Variants in ANKRD13B observed in about 807,000 individuals in gnomAD.
ANKRD13B encodes ankyrin repeat domain 13B.
A neutral mutation model predicts 74.4 loss-of-function variants in ANKRD13B; 33 were observed. The ratio of observed to expected loss-of-function variants is 0.44; its 90% CI spans 0.34 to 0.59. The LOEUF (loss-of-function observed/expected upper bound fraction) is 0.59, where lower values mean the gene tolerates loss of function less well. Ranked by LOEUF, ANKRD13B falls within the 20% of genes least tolerant of loss-of-function variation. The pLI, the probability that ANKRD13B is intolerant of heterozygous loss-of-function variation, is 0.02. For synonymous variants in ANKRD13B, 341 were observed against 362.9 expected (o/e 0.94, Z 0.68); for missense variants, 676 against 877.9 (o/e 0.77, Z 2.91).
chr17:29,611,918 A>G lies in ANKRD13B; in HGVS notation c.1012A>G (p.Ile338Val), dbSNP rs1246889867. The change falls in exon 10 of 15, where the codon ATC becomes GTC. Residue 338 changes from isoleucine (I) to valine (V), a missense_variant. By Grantham distance (29) the Ile-to-Val change is conservative. Transcript: ENST00000394859. The surrounding 1 kb of genome is among the most constrained non-coding windows in gnomAD (Gnocchi z 4.3). ...QTLSQANPTA[I>V]TAEEYFNPNF... is the part of the protein sequence containing the mutation. ...TCTGAGCCAAGCCAACCCCACTGCC[A>G]TCACTGCAGAAGAATACTTCAACCC... is the stretch of plus-strand genomic sequence containing the variant. The G allele has an allele frequency of 1.2e-6, 2 of 1,614,066 alleles. No individual in the cohort carries two copies. The highest frequency in any genetic ancestry group is 2.2e-5 in the East Asian group (1 of 44,880).
At chr17:29,607,602 T>A (rs2034433800) in intron 1 of ANKRD13B, 140 bp from the exon 2 acceptor site, 3 of 1,199,036 alleles carry the variant, frequency 2.5e-6, no homozygotes, top group Non-Finnish European at 3.4e-6. Flanking sequence ...TGTCTGTCTT[T>A]CCGTTGCCTT....
chr17:29,605,097 AC>A (rs1266441911), intron 1 of ANKRD13B, among the ~76,000 whole-genome samples: 1 of 151,948 alleles, frequency 6.6e-6, no homozygotes, highest in Non-Finnish European at 1.5e-5. Context: ...ACTTGAAGAG[AC>A]CCCTATGCAG....
In ANKRD13B at chr17:29,609,532, C is replaced by T. The variant is rs899927795; in HGVS notation, c.822+111C>T. 60 of 1,292,744 alleles carry T rather than the reference C, an allele frequency of 4.6e-5. No homozygotes were observed. Among genetic ancestry groups the T allele is most frequent in the Middle Eastern group, 2.1e-4 (1 of 4,664 alleles). The allele number at this position is 1,292,744 out of a possible 1,614,324, so 80.1% of individuals were successfully genotyped here. A position where few individuals can be genotyped will look rare whatever the true frequency, so the allele number is the denominator to read the frequency against. ...CCCTGGAGGTACAGAAGCAATGCAG[C>T]GTGGTCAAGCACTTATATTTGGGTT... On this transcript the variant is annotated intron_variant, in intron 7 of 14. Transcript: ENST00000394859. The surrounding 1 kb of genome is among the most constrained non-coding windows in gnomAD (Gnocchi z 4.0).
chr17:29,595,876 C>T (rs945830976), intron 1 of ANKRD13B, among the ~76,000 whole-genome samples: 2 of 152,174 alleles, frequency 1.3e-5, no homozygotes, highest in African/African-American at 4.8e-5. Flanking sequence ...GCTGTCTCCC[C>T]TCTCGAGGAC....
intron 1 of ANKRD13B, among the ~76,000 whole-genome samples, chr17:29,601,431 A>G (rs965670159): frequency 9.2e-5 from 14 of 152,086 alleles, no homozygotes; most frequent in African/African-American, 2.9e-4. Flanking sequence ...CATGTTGGCC[A>G]GGCTGGTCTC....
intron 1 of ANKRD13B, 62 bp from the exon 2 acceptor site, chr17:29,607,680 G>C: frequency 6.5e-7 from 1 of 1,547,582 alleles, no homozygotes; most frequent in Non-Finnish European, 8.7e-7. Flanking sequence ...GGGCTGTCTG[G>C]CTCCGGAGGG....
chr17:29,609,291 C>T lies in ANKRD13B; in HGVS notation c.755+16C>T. ...CCTTTGAGAGGTGGGTGGACATGGC[C>T]TTGGTCACCCTTGAGCCAGCCCGGT... On this transcript the variant is annotated intron_variant, in intron 6 of 14. Transcript: ENST00000394859. The surrounding 1 kb of genome is among the most constrained non-coding windows in gnomAD (Gnocchi z 4.0). The T allele has an allele frequency of 6.2e-7, 1 of 1,612,960 alleles. No homozygotes were observed. The highest frequency in any genetic ancestry group is 8.5e-7 in the Non-Finnish European group (1 of 1,179,642).
At chr17:29,600,098 G>A (rs544970178) in intron 1 of ANKRD13B, among the ~76,000 whole-genome samples, 27 of 152,062 alleles carry the variant, frequency 1.8e-4, no homozygotes, top group South Asian at 1.2e-3. Flanking sequence ...GGATGGTCTC[G>A]ATCTCCTGAC....
rs1598619820 is a variant in ANKRD13B at position 29,612,819 on chromosome 17, C to G, written c.1575+4C>G. 4 of 1,601,288 alleles carry G rather than the reference C, an allele frequency of 2.5e-6. No homozygotes were observed. Among genetic ancestry groups the G allele is most frequent in the Non-Finnish European group, 3.4e-6 (4 of 1,178,148 alleles). ...GGCGGGCAGTGAGTATGACCAGGTG[C>G]GTCTCCGCGGGCGCGCGGGGCCACG... On this transcript the variant is annotated splice_donor_region_variant and intron_variant, in intron 13 of 14. Coordinates refer to ENST00000394859, the MANE Select transcript of ANKRD13B (RefSeq NM_152345.5). This position sits in a 1 kb window ranked among gnomAD's most constrained non-coding sequence, Gnocchi z 6.1.
At chr17:29,607,706 CTG>C in intron 1 of ANKRD13B, 34 bp from the exon 2 acceptor site, 1 of 1,579,736 alleles carries the variant, frequency 6.3e-7, no homozygotes, top group Non-Finnish European at 8.6e-7. Context: ...TCCGACGTGA[CTG>C]GGGCTTTATC....
chr17:29,602,212 G>A (rs1447549569), intron 1 of ANKRD13B, among the ~76,000 whole-genome samples: 4 of 152,008 alleles, frequency 2.6e-5, no homozygotes, highest in South Asian at 2.1e-4. Context: ...TGGCTAACAC[G>A]GTGAAACCCC....
rs1598614270 is a variant in ANKRD13B at position 29,609,475 on chromosome 17, C to T, written c.822+54C>T. 4.4e-6 allele frequency: 7 copies of T among 1,594,248 alleles called. No individual in the cohort carries two copies. The highest frequency in any genetic ancestry group is 1.7e-5 in the Admixed American group (1 of 59,240). ...CAGCTGCACTCTTGCCTACAGCAAG[C>T]TGTACAGGGGATTCTGACCTCCCTT... On this transcript the variant is annotated intron_variant, in intron 7 of 14. Coordinates refer to ENST00000394859, the MANE Select transcript of ANKRD13B (RefSeq NM_152345.5). The surrounding 1 kb of genome is among the most constrained non-coding windows in gnomAD (Gnocchi z 4.0).
chr17:29,595,612 G>T (rs1412771784), intron 1 of ANKRD13B, among the ~76,000 whole-genome samples: 1 of 152,148 alleles, frequency 6.6e-6, no homozygotes, highest in Non-Finnish European at 1.5e-5. Context: ...GTTGGGGGCT[G>T]CTCATGTGTT....
In ANKRD13B at chr17:29,608,259, G is replaced by A; in HGVS notation, c.421+19G>A. On this transcript the variant is annotated intron_variant, in intron 4 of 14. Transcript: ENST00000394859. The surrounding 1 kb of genome is among the most constrained non-coding windows in gnomAD (Gnocchi z 6.4). Reference sequence around the variant, plus strand: ...AGCTGGGGTAAGCGGGCTGCAGCAGGTCGCTTCTGGGCTCTCCCACTTTAG... The same window carrying A: ...AGCTGGGGTAAGCGGGCTGCAGCAGATCGCTTCTGGGCTCTCCCACTTTAG... 1.2e-6 allele frequency: 2 copies of A among 1,614,044 alleles called. No homozygotes were observed. Among genetic ancestry groups the A allele is most frequent in the Non-Finnish European group, 8.5e-7 (1 of 1,179,998 alleles).
Position 29,593,661 on chromosome 17 carries a change from G to T in ANKRD13B, c.40G>T (p.Gly14Cys), listed in dbSNP as rs748170622. The change falls in exon 1 of 15, where the codon GGC (glycine) becomes TGC (cysteine). Residue 14 changes from glycine (G) to cysteine (C), a missense_variant. Gly to Cys is a radical substitution (Grantham distance 159). Transcript: ENST00000394859. The stretch of plus-strand genomic sequence containing the variant: ...CGCCTCCGCCAGGAAGGGGCCCGAG[G>T]GCAAGTATCCGCTGCACTACCTCGT... ...ANASARKGPE[G>C]KYPLHYLVWH... 9.1e-6 allele frequency: 13 copies of T among 1,429,146 alleles called. No homozygotes were observed. In the African/African-American group the frequency reaches 1.8e-4, roughly 20 times the overall value. The allele number at this position is 1,429,146 out of a possible 1,614,324, so 88.5% of individuals were successfully genotyped here.
chr17:29,613,125 G>T (rs2034662856), intron 14 of ANKRD13B, 162 bp downstream of exon 14: 6 of 1,185,822 alleles, frequency 5.1e-6, no homozygotes, highest in Non-Finnish European at 5.9e-6. Context: ...CAGGGGTCAG[G>T]GATCCAGGCT....
chr17:29,612,636 GC>G lies in ANKRD13B; in HGVS notation c.1412-11del. 2 of 1,526,464 alleles carry G rather than the reference GC, an allele frequency of 1.3e-6. No individual in the cohort carries two copies. The highest frequency in any genetic ancestry group is 8.8e-7 in the Non-Finnish European group (1 of 1,141,614). 94.6% of individuals were successfully genotyped at this position (1,526,464 alleles called of 1,614,324 possible). On this transcript the variant is annotated splice_polypyrimidine_tract_variant and intron_variant, in intron 12 of 14. Transcript: ENST00000394859. This position sits in a 1 kb window ranked among gnomAD's most constrained non-coding sequence, Gnocchi z 6.1. ...GGCGCGCCCGGCCGTGCCTGACCCA[GC>G]CCCCGCGCCCCCAGCCTCCTGCCGC... is the stretch of plus-strand genomic sequence containing the variant.
intron 1 of ANKRD13B, among the ~76,000 whole-genome samples, chr17:29,594,888 C>G (rs1174818020): frequency 1.3e-5 from 2 of 152,226 alleles, no homozygotes; most frequent in African/African-American, 4.8e-5. Flanking sequence ...GGCCATCGGA[C>G]TGAGCAGGCT....
In ANKRD13B at chr17:29,608,252, G is replaced by A. The variant is rs1313767677; in HGVS notation, c.421+12G>A. 1 of 1,614,102 alleles carries A rather than the reference G, an allele frequency of 6.2e-7. No homozygotes were observed. The highest frequency in any genetic ancestry group is 2.2e-5 in the East Asian group (1 of 44,880). ...GTTCACTAGCTGGGGTAAGCGGGCTGCAGCAGGTCGCTTCTGGGCTCTCCC... is the reference window on the plus strand; with the variant it reads ...GTTCACTAGCTGGGGTAAGCGGGCTACAGCAGGTCGCTTCTGGGCTCTCCC... On this transcript the variant is annotated intron_variant, in intron 4 of 14. Transcript: ENST00000394859. This position sits in a 1 kb window ranked among gnomAD's most constrained non-coding sequence, Gnocchi z 6.4.
Sources: gnomAD v4.1 joint callset for allele counts (sites outside exome capture counted in the v4.1 genomes callset) on GRCh38, gnomAD v4.1.1 for gene constraint, Gnocchi (gnomAD v3.1) non-coding constraint, MANE v1.5 for transcripts, NCBI Gene and HGNC (gene_info 2026-07-23, HGNC 2026-07-21) for gene names.